CBLN2: variants seen among roughly 807,000 people sequenced by gnomAD.
The protein encoded by CBLN2 is cerebellin 2 precursor.
CBLN2 carries 7 observed loss-of-function variants against 15.0 expected under a neutral mutation model. That is an observed-to-expected ratio of 0.47 (90% CI 0.27 to 0.88). The LOEUF is 0.88. Ranked by LOEUF, CBLN2 falls within the 40% of genes least tolerant of loss-of-function variation. The probability of loss-of-function intolerance (pLI) is 0.14; values close to 1 mark genes in which losing one functional copy is unlikely to be tolerated. For missense variants in CBLN2, 242 were observed against 304.5 expected, an observed-to-expected ratio of 0.79 and a Z score of 1.53; for synonymous variants, 149 against 135.2, an observed-to-expected ratio of 1.10 and a Z score of -0.71.
At chr18:72,540,418 T>C (rs1239539603) in intron 3 of CBLN2, 1 of 152,174 alleles carries the variant, frequency 6.6e-6, no homozygotes, top group Non-Finnish European at 1.5e-5. Context: ...ATCCTGCTAC[T>C]ACTTATCCTG....
At chr18:72,603,089 T>A (rs1263936111) in intron 1 of CBLN2, among the ~76,000 whole-genome samples, 2 of 152,270 alleles carry the variant, frequency 1.3e-5, no homozygotes, top group Non-Finnish European at 2.9e-5. Flanking sequence ...GTATGTTACA[T>A]GTATATGCCA....
intron 1 of CBLN2, among the ~76,000 whole-genome samples, chr18:72,570,304 C>T (rs1166977338): frequency 9.5e-5 from 14 of 147,648 alleles, no homozygotes; most frequent in Middle Eastern, 3.4e-3. Flanking sequence ...TTTTTTTTCC[C>T]GCGGCTTACT....
chr18:72,595,648 G>T (rs1373377521), intron 1 of CBLN2, among the ~76,000 whole-genome samples: 1 of 151,874 alleles, frequency 6.6e-6, no homozygotes, highest in Non-Finnish European at 1.5e-5. Context: ...GTCGTACTGG[G>T]GTTTATCTCT....
Position 72,622,433 on chromosome 18 carries a change from T to C in CBLN2, c.15+15892A>G, listed in dbSNP as rs150735050. Among the ~76,000 whole-genome samples the C allele has an allele frequency of 3.6e-4, 55 of 151,936 alleles. No individual in the cohort carries two copies. The East Asian group carries it at 5.6e-3, about 16-fold the overall frequency. On this transcript the variant is annotated intron_variant, in intron 1 of 2. Transcript: ENST00000581073. The stretch of plus-strand genomic sequence containing the variant: ...CTTGGAAACCTGGCCTGGCACTCAG[T>C]TTACAAGATTCTCAGCCTTATGGGT...
intron 1 of CBLN2, among the ~76,000 whole-genome samples, chr18:72,637,281 CAAA>C (rs56971218): frequency 0.13 from 20,196 of 150,264 alleles, 1,402 homozygotes; most frequent in Middle Eastern, 0.17. Context: ...ACAGAACAAG[CAAA>C]AAAAAAAAAT....
chr18:72,611,777 T>C (rs2069624318), intron 1 of CBLN2, among the ~76,000 whole-genome samples: 1 of 152,190 alleles, frequency 6.6e-6, no homozygotes, highest in Non-Finnish European at 1.5e-5. Context: ...TTTGTTTTTG[T>C]TGCAATTGTT....
chr18:72,593,118 C>T lies in CBLN2; in HGVS notation c.15+45207G>A, dbSNP rs1594561. 4.2e-3 allele frequency among the ~76,000 whole-genome samples: 641 copies of T among 152,102 alleles called. 3 individuals are homozygous for T. Among genetic ancestry groups the T allele is most frequent in the Non-Finnish European group, 6.3e-3 (430 of 67,926 alleles). Reference sequence around the variant, plus strand: ...TAACAATATTGATTATTGCAATTCACGAATATGCAATATCTTTTTCTTTTT... The same window carrying T: ...TAACAATATTGATTATTGCAATTCATGAATATGCAATATCTTTTTCTTTTT... On this transcript the variant is annotated intron_variant, in intron 1 of 2. Transcript: ENST00000581073.
intron 1 of CBLN2, among the ~76,000 whole-genome samples, chr18:72,626,401 T>G (rs1215689046): frequency 6.6e-6 from 1 of 152,102 alleles, no homozygotes; most frequent in African/African-American, 2.4e-5. Flanking sequence ...CCCTTAGCCA[T>G]ACACTCACCT....
In CBLN2 at chr18:72,538,636, G is replaced by T. The variant is rs1218698757; in HGVS notation, c.477+17C>A. 1.2e-6 allele frequency: 2 copies of T among 1,613,202 alleles called. No individual in the cohort carries two copies. Among genetic ancestry groups the T allele is most frequent in the East Asian group, 2.2e-5 (1 of 44,856 alleles). On this transcript the variant is annotated intron_variant, in intron 4 of 4. Transcript: ENST00000269503. ...ATTAACTCAAACCTGAAAGGATCCA[G>T]TTTCAAATCTACCCACCTGGATGGT...
chr18:72,605,854 A>C (rs978595072), intron 1 of CBLN2, among the ~76,000 whole-genome samples: 5 of 152,234 alleles, frequency 3.3e-5, no homozygotes, highest in Non-Finnish European at 7.3e-5. Context: ...TTTTATTTCT[A>C]TCTTGTCTAC....
At position 72,615,035 on chromosome 18, in the gene CBLN2, AC is replaced by A. The variant is rs1342746786; in HGVS notation, c.15+23289del. ...ACTTAGCAACTTAAGGAGATCAAGT[AC>A]ATATATATATATATATATATAAATA... On this transcript the variant is annotated intron_variant, in intron 1 of 2. Transcript: ENST00000581073. Among the ~76,000 whole-genome samples the A allele has an allele frequency of 4.9e-3, 564 of 115,380 alleles. 11 individuals are homozygous for A. The highest frequency in any genetic ancestry group is 0.013 in the African/African-American group (383 of 28,566). The allele number at this position is 115,380 out of a possible 152,430, so 75.7% of individuals were successfully genotyped here. A position where few individuals can be genotyped will look rare whatever the true frequency, so the allele number is the denominator to read the frequency against.
At chr18:72,549,337 T>C (rs1156380578), upstream of CBLN2, among the ~76,000 whole-genome samples, 1 of 152,240 alleles carries the variant, frequency 6.6e-6, no homozygotes, top group Non-Finnish European at 1.5e-5. Flanking sequence ...TTGCAGCTGA[T>C]GCTGATGCTG....
At chr18:72,614,757 A>C (rs999481725) in intron 1 of CBLN2, among the ~76,000 whole-genome samples, 3 of 152,024 alleles carry the variant, frequency 2.0e-5, no homozygotes, top group African/African-American at 7.2e-5. Context: ...GTATTATTAA[A>C]TTCATTCCTT....
intron 1 of CBLN2, among the ~76,000 whole-genome samples, chr18:72,603,392 C>G (rs1258791042): frequency 6.6e-6 from 1 of 151,812 alleles, no homozygotes; most frequent in Non-Finnish European, 1.5e-5. Context: ...TTTTTTTTCT[C>G]CTAACAAAGG....
At chr18:72,627,091 C>T (rs1204881598) in intron 1 of CBLN2, among the ~76,000 whole-genome samples, 1 of 152,054 alleles carries the variant, frequency 6.6e-6, no homozygotes, top group Non-Finnish European at 1.5e-5. Flanking sequence ...TGATATTCCA[C>T]GTGTAAAAAC....
At position 72,538,569 on chromosome 18, in the gene CBLN2, G is replaced by A. The variant is rs1449231607; in HGVS notation, c.477+84C>T. 4 of 1,566,018 alleles carry A rather than the reference G, an allele frequency of 2.6e-6. No individual in the cohort carries two copies. In the African/African-American group the frequency reaches 5.4e-5, roughly 21 times the overall value. ...ACAGACCAGTACCCTGTCTCCCTCA[G>A]CCTCAGAGACCAGGTGAAGGGGCCT... On this transcript the variant is annotated intron_variant, in intron 4 of 4. Coordinates refer to ENST00000269503, the MANE Select transcript of CBLN2 (RefSeq NM_182511.4).
chr18:72,567,368 G>A (rs1400446448), intron 1 of CBLN2, among the ~76,000 whole-genome samples: 1 of 152,130 alleles, frequency 6.6e-6, no homozygotes, highest in East Asian at 1.9e-4. Context: ...TTCCTAAAAT[G>A]TATGTGAGTG....
At chr18:72,547,110 T>TCACA (rs36204454), upstream of CBLN2, among the ~76,000 whole-genome samples, 785 of 148,688 alleles carry the variant, frequency 5.3e-3, 4 homozygotes, top group African/African-American at 0.013. Flanking sequence ...AAAGAAAGTG[T>TCACA]CACACACACA....
At chr18:72,631,701 T>C (rs1056979166) in intron 1 of CBLN2, among the ~76,000 whole-genome samples, 4 of 152,070 alleles carry the variant, frequency 2.6e-5, no homozygotes, top group Non-Finnish European at 5.9e-5. Context: ...CCAACCCTCA[T>C]AAAGCTTGAC....
Sources: allele counts gnomAD v4.1 joint callset (sites outside exome capture counted in the v4.1 genomes callset), GRCh38; gene constraint gnomAD v4.1.1; transcripts MANE v1.5; gene names NCBI Gene and HGNC (gene_info 2026-07-23, HGNC 2026-07-21).